CCDC7: variants seen among roughly 807,000 people sequenced by gnomAD.
CCDC7 encodes the protein coiled-coil domain-containing protein 7.
CCDC7 carries 183 observed loss-of-function variants against 196.9 expected under a neutral mutation model. The observed-to-expected ratio is 0.93, with a 90% CI of 0.82 to 1.05. The LOEUF (loss-of-function observed/expected upper bound fraction) is 1.05, where lower values mean the gene tolerates loss of function less well. Ranked by LOEUF, CCDC7 falls within the 50% of genes least tolerant of loss-of-function variation. The probability of loss-of-function intolerance (pLI) is 0.00; values close to 1 mark genes in which losing one functional copy is unlikely to be tolerated. For missense variants in CCDC7, 1,540 were observed against 1,482.2 expected (o/e 1.04, Z -0.64); for synonymous variants, 525 against 484.6 (o/e 1.08, Z -1.10).
intron 14 of CCDC7, 77 bp from the exon 16 acceptor site, chr10:32,567,593 G>A: frequency 6.9e-7 from 1 of 1,454,746 alleles, no homozygotes. Flanking sequence ...GTAAATATAT[G>A]TAGATTCCTG....
chr10:32,767,963 C>T (rs2078591762), intron 28 of CCDC7, among the ~76,000 whole-genome samples: 1 of 151,806 alleles, frequency 6.6e-6, no homozygotes, highest in Non-Finnish European at 1.5e-5. Flanking sequence ...TTGAGAAATT[C>T]AATGGACATA....
At chr10:32,584,158 A>G (rs2059006994) in intron 17 of CCDC7, 74 bp from the exon 19 acceptor site, 2 of 647,230 alleles carry the variant, frequency 3.1e-6, no homozygotes, top group Non-Finnish European at 4.6e-6. Context: ...CAAAGCAGGT[A>G]ATTAAATACC....
chr10:32,714,891 G>C (rs1209638685), intron 25 of CCDC7, among the ~76,000 whole-genome samples: 1 of 152,200 alleles, frequency 6.6e-6, no homozygotes, highest in Non-Finnish European at 1.5e-5. Context: ...AAAGGCAGTA[G>C]CCCCAGCCAG....
intron 20 of CCDC7, among the ~76,000 whole-genome samples, chr10:32,636,123 T>C (rs1475524179): frequency 6.6e-6 from 1 of 152,218 alleles, no homozygotes; most frequent in Non-Finnish European, 1.5e-5. Context: ...AAAGTGTGAT[T>C]TGCTTATATC....
chr10:32,720,019 G>T (rs1041405418), intron 25 of CCDC7, among the ~76,000 whole-genome samples: 9 of 152,028 alleles, frequency 5.9e-5, no homozygotes, highest in Non-Finnish European at 1.0e-4. Context: ...CCATTACTTG[G>T]TATATACCCA....
chr10:32,541,642 A>G (rs72795536), intron 11 of CCDC7, among the ~76,000 whole-genome samples: 2,671 of 152,330 alleles, frequency 0.018, 48 homozygotes, highest in South Asian at 0.037. Context: ...AGGCACTGCA[A>G]CTGTGGTCTT....
At chr10:32,541,004 C>A (rs373167637) in intron 11 of CCDC7, among the ~76,000 whole-genome samples, 59 of 151,772 alleles carry the variant, frequency 3.9e-4, no homozygotes, top group African/African-American at 1.3e-3. Flanking sequence ...CTTTCAGGAA[C>A]CAATCAGTCA....
At chr10:32,830,037 G>T (rs950974598) in intron 32 of CCDC7, among the ~76,000 whole-genome samples, 4 of 148,116 alleles carry the variant, frequency 2.7e-5, no homozygotes. Context: ...CAGCTTGCAG[G>T]AGCTGACCTA....
chr10:32,799,159 T>C (rs1425408718), intron 29 of CCDC7, among the ~76,000 whole-genome samples: 2 of 152,210 alleles, frequency 1.3e-5, no homozygotes, highest in African/African-American at 4.8e-5. Flanking sequence ...TGTGACTTGA[T>C]GACCCATAGT....
At chr10:32,843,602 A>G (rs965762601) in intron 33 of CCDC7, among the ~76,000 whole-genome samples, 4 of 152,052 alleles carry the variant, frequency 2.6e-5, no homozygotes, top group Non-Finnish European at 5.9e-5. Context: ...GAGGGAGGAA[A>G]CATGAATGTT....
At chr10:32,588,409 G>A (rs2059490537) in intron 18 of CCDC7, among the ~76,000 whole-genome samples, 1 of 151,996 alleles carries the variant, frequency 6.6e-6, no homozygotes, top group Non-Finnish European at 1.5e-5. Flanking sequence ...CATCAATTGA[G>A]ATGAGATGAT....
At chr10:32,630,686 T>C (rs1265080579) in intron 18 of CCDC7, among the ~76,000 whole-genome samples, 1 of 152,178 alleles carries the variant, frequency 6.6e-6, no homozygotes, top group Non-Finnish European at 1.5e-5. Flanking sequence ...TTAAAGAATA[T>C]TTTATTTATT....
At chr10:32,770,259 A>G (rs1477988628) in intron 28 of CCDC7, among the ~76,000 whole-genome samples, 1 of 152,152 alleles carries the variant, frequency 6.6e-6, no homozygotes, top group East Asian at 1.9e-4. Context: ...ATTTAATGTT[A>G]ACTTCTCTCT....
At chr10:32,449,121 A>G (rs2032271746), upstream of CCDC7, among the ~76,000 whole-genome samples, 1 of 151,800 alleles carries the variant, frequency 6.6e-6, no homozygotes, top group Non-Finnish European at 1.5e-5. Flanking sequence ...CTGTGTGTTT[A>G]TGTATTTTTA....
intron 9 of CCDC7, among the ~76,000 whole-genome samples, chr10:32,492,550 C>T (rs1387609518): frequency 6.7e-6 from 1 of 148,904 alleles, no homozygotes; most frequent in Admixed American, 6.8e-5. Context: ...TGGATGAACC[C>T]TGAGGACATT....
At chr10:32,694,968 C>A (rs2141335087) in exon 24 of CCDC7, 1 of 1,598,776 alleles carries the variant, frequency 6.3e-7, no homozygotes, top group Middle Eastern at 1.7e-4. Flanking sequence ...AACCAAAAAA[C>A]TTCCTAGAGA....
chr10:32,614,083 G>T (rs2062491179), intron 18 of CCDC7, among the ~76,000 whole-genome samples: 1 of 151,996 alleles, frequency 6.6e-6, no homozygotes, highest in Non-Finnish European at 1.5e-5. Flanking sequence ...TATGAATCTG[G>T]GTGTTCCTGT....
At chr10:32,696,048 A>C (rs1219342434) in intron 24 of CCDC7, among the ~76,000 whole-genome samples, 1 of 151,872 alleles carries the variant, frequency 6.6e-6, no homozygotes, top group South Asian at 2.1e-4. Flanking sequence ...AGAGACAAAG[A>C]CACTAGCTTC....
At chr10:32,646,732 A>G (rs1056024797) in intron 20 of CCDC7, among the ~76,000 whole-genome samples, 4 of 152,190 alleles carry the variant, frequency 2.6e-5, no homozygotes, top group African/African-American at 9.6e-5. Flanking sequence ...TAAACCCACC[A>G]CCACCTTCCA....
Sources: allele counts gnomAD v4.1 joint callset (sites outside exome capture counted in the v4.1 genomes callset), GRCh38; gene constraint gnomAD v4.1.1; transcripts MANE v1.5; gene names NCBI Gene and HGNC (gene_info 2026-07-23, HGNC 2026-07-21).